Variants in AMZ1 observed in about 807,000 individuals in gnomAD.
AMZ1 encodes the protein archaemetzincin-1.
A neutral mutation model predicts 29.9 loss-of-function variants in AMZ1; 39 were observed. The ratio of observed to expected loss-of-function variants is 1.30; its 90% CI spans 1.01 to 1.70. AMZ1 has a LOEUF of 1.70. Among genes scored for constraint, AMZ1 ranks in the 40% most tolerant of loss-of-function variants. The probability of loss-of-function intolerance (pLI) is 0.00; values close to 1 mark genes in which losing one functional copy is unlikely to be tolerated. For missense variants in AMZ1, 1,041 were observed against 680.6 expected, an observed-to-expected ratio of 1.53 and a Z score of -5.89; for synonymous variants, 458 against 304.0, an observed-to-expected ratio of 1.51 and a Z score of -5.27.
intron 4 of AMZ1, among the ~76,000 whole-genome samples, chr7:2,733,298 GAGCGTGCCATTACAGTACT>G (rs1789993166): frequency 1.3e-5 from 2 of 152,178 alleles, no homozygotes; most frequent in African/African-American, 2.4e-5. Flanking sequence ...ATCCAAGTGA[GAGCGTGCCATTACAGTACT>G]ATTCGTGGTA....
chr7:2,686,581 C>G (rs1176270109), upstream of AMZ1, among the ~76,000 whole-genome samples: 1 of 152,156 alleles, frequency 6.6e-6, no homozygotes, highest in Non-Finnish European at 1.5e-5. Flanking sequence ...AGAAGGCGAT[C>G]AGAAGGATGT....
chr7:2,690,673 T>C (rs1266655419), intron 1 of AMZ1, among the ~76,000 whole-genome samples: 1 of 152,094 alleles, frequency 6.6e-6, no homozygotes, highest in Non-Finnish European at 1.5e-5. Context: ...GCCTCTGTGG[T>C]CGTGGCTCCT....
At chr7:2,763,363 T>A (rs946774133), upstream of AMZ1, 1 of 154,314 alleles carries the variant, frequency 6.5e-6, no homozygotes, top group African/African-American at 2.4e-5. Flanking sequence ...GTTTGCTTCA[T>A]CGGGCGGAGA....
rs1789179072 is a variant in AMZ1 at position 2,717,209 on chromosome 7, G to T, written c.*4331G>T. On this transcript the variant is annotated 3_prime_UTR_variant, in exon 7 of 7. Transcript: ENST00000683327. ...CGAAAACACCCCCGTGATTGCTGGG[G>T]CTTCACTGATTTGTTTTGTTTATAA... Among the ~76,000 whole-genome samples the T allele has an allele frequency of 6.6e-6, 1 of 152,348 alleles. No individual in the cohort carries two copies. Among genetic ancestry groups the T allele is most frequent in the African/African-American group, 2.4e-5 (1 of 41,582 alleles).
At chr7:2,709,588 CG>C in intron 5 of AMZ1, 51 bp from the exon 6 acceptor site, 1 of 1,574,084 alleles carries the variant, frequency 6.4e-7, no homozygotes, top group Admixed American at 1.8e-5. Flanking sequence ...GGGGATCTGC[CG>C]GATGCAGGGG....
chr7:2,748,804 A>C (rs1366311744), intron 4 of AMZ1, among the ~76,000 whole-genome samples: 1 of 152,088 alleles, frequency 6.6e-6, no homozygotes, highest in Non-Finnish European at 1.5e-5. Flanking sequence ...GAACTCAAAC[A>C]AATTTACAAG....
rs1436431943 is a variant in AMZ1 at position 2,717,709 on chromosome 7, G to T, written c.*4831G>T. Among the ~76,000 whole-genome samples the T allele has an allele frequency of 1.3e-5, 2 of 152,186 alleles. No homozygotes were observed. Among genetic ancestry groups the T allele is most frequent in the Admixed American group, 6.5e-5 (1 of 15,278 alleles). ...GCTGTTAAAAACAGATGCAGATCGCGGGTGGAGACGGCCGGCCGAGCCTTC... is the reference window on the plus strand; with the variant it reads ...GCTGTTAAAAACAGATGCAGATCGCTGGTGGAGACGGCCGGCCGAGCCTTC... On this transcript the variant is annotated 3_prime_UTR_variant, in exon 7 of 7. Transcript: ENST00000683327.
upstream of AMZ1, chr7:2,688,075 G>A (rs932909281): frequency 1.3e-5 from 2 of 152,468 alleles, no homozygotes; most frequent in Non-Finnish European, 2.9e-5. Flanking sequence ...GGCAGCTGGA[G>A]GGAGTGGGGC....
At chr7:2,680,395 C>T (rs533717369) in intron 1 of AMZ1, among the ~76,000 whole-genome samples, 13 of 152,194 alleles carry the variant, frequency 8.5e-5, no homozygotes, top group African/African-American at 2.2e-4. Context: ...CTGGAGACCC[C>T]GGGAGACCCC....
intron 4 of AMZ1, among the ~76,000 whole-genome samples, chr7:2,747,187 T>C (rs1216683730): frequency 1.3e-5 from 2 of 152,220 alleles, no homozygotes; most frequent in African/African-American, 4.8e-5. Context: ...AGCATCATCC[T>C]GATACCAAAG....
At chr7:2,740,674 T>C (rs1414715997) in intron 4 of AMZ1, among the ~76,000 whole-genome samples, 4 of 152,240 alleles carry the variant, frequency 2.6e-5, no homozygotes, top group Non-Finnish European at 5.9e-5. Flanking sequence ...AATGGGTTTA[T>C]GAGTATCTGT....
At chr7:2,700,817 G>T (rs1036589082) in intron 2 of AMZ1, 62 bp downstream of exon 2, 21 of 1,563,316 alleles carry the variant, frequency 1.3e-5, no homozygotes, top group East Asian at 2.3e-5. Context: ...TAGCACAAGT[G>T]GGGGATGTCT....
chr7:2,732,581 C>T lies in AMZ1; in HGVS notation n.550+22765C>T, dbSNP rs115109631. Among the ~76,000 whole-genome samples, 199 of 152,218 alleles carry T rather than the reference C, an allele frequency of 1.3e-3. 2 individuals are homozygous for T. The highest frequency in any genetic ancestry group is 4.4e-3 in the African/African-American group (184 of 41,532). On this transcript the variant is annotated intron_variant and non_coding_transcript_variant, in intron 4 of 4. Coordinates refer to the AMZ1 transcript ENST00000489665. ...AAAACAAAACAGAACAAAAAACCAA[C>T]AAAACACCTCCCGTGATGAGTGCAC...
downstream of AMZ1, among the ~76,000 whole-genome samples, chr7:2,720,150 C>A (rs189102123): frequency 2.0e-5 from 3 of 152,350 alleles, no homozygotes; most frequent in East Asian, 5.8e-4. Context: ...CAGAGCTTTC[C>A]GTGCAAAGCG....
At chr7:2,728,813 TTAAA>T (rs1196232449) in intron 4 of AMZ1, 4 of 152,346 alleles carry the variant, frequency 2.6e-5, no homozygotes, top group Non-Finnish European at 5.9e-5. Flanking sequence ...GGGGGTGTCT[TTAAA>T]AACGTTCTAA....
intron 1 of AMZ1, among the ~76,000 whole-genome samples, chr7:2,692,398 C>G (rs1432913740): frequency 6.6e-6 from 1 of 152,064 alleles, no homozygotes; most frequent in Non-Finnish European, 1.5e-5. Context: ...AAAAATTAGC[C>G]GGGTGTGGTG....
chr7:2,709,815 A>C lies in AMZ1; in HGVS notation c.947A>C (p.Gln316Pro), dbSNP rs763635603. 1.9e-6 allele frequency: 3 copies of C among 1,611,706 alleles called. No homozygotes were observed. Among genetic ancestry groups the C allele is most frequent in the African/African-American group, 2.7e-5 (2 of 75,004 alleles). ...GGTTTCAGGCTCATCGAGAGGTACC[A>C]GGTGAGTGGCTGAGTTGCGCTGCCC... ...VLGFRLIERY[Q>P]RLYTWTQAVV... The change falls in exon 6 of 7, where the codon CAG becomes CCG. Residue 316 changes from glutamine (Q) to proline (P), a missense_variant and splice_region_variant. Gln to Pro is a moderately conservative substitution (Grantham distance 76). Transcript: ENST00000683327.
At chr7:2,733,659 T>TA (rs879705460) in intron 4 of AMZ1, among the ~76,000 whole-genome samples, 24 of 152,324 alleles carry the variant, frequency 1.6e-4, no homozygotes, top group Non-Finnish European at 3.2e-4. Context: ...TTTTCTAAAA[T>TA]AAAAAAACTA....
chr7:2,712,825 A>C lies in AMZ1; in HGVS notation c.1444A>C (p.Lys482Gln). The change falls in exon 7 of 7, where the codon AAA (lysine) becomes CAA (glutamine). Residue 482 changes from lysine (K) to glutamine (Q), a missense_variant. By Grantham distance (53) the Lys-to-Gln change is moderately conservative. Coordinates refer to ENST00000683327, the MANE Select transcript of AMZ1 (RefSeq NM_001384743.1). Reference protein sequence around the residue: ...SSLRRKLSARKLARAESAPRP... With the variant: ...SSLRRKLSARQLARAESAPRP... ...CCTGAGGAGGAAGCTGAGTGCCCGA[A>C]AACTCGCCAGAGCAGAGTCGGCCCC... 1 of 1,536,340 alleles carries C rather than the reference A, an allele frequency of 6.5e-7. No homozygotes were observed. The highest frequency in any genetic ancestry group is 8.8e-7 in the Non-Finnish European group (1 of 1,139,758).
Sources: gnomAD v4.1 joint callset for allele counts (sites outside exome capture counted in the v4.1 genomes callset) on GRCh38, gnomAD v4.1.1 for gene constraint, MANE v1.5 for transcripts, NCBI Gene and HGNC (gene_info 2026-07-23, HGNC 2026-07-21) for gene names.